The following KCNB2 variants were observed in gnomAD, a reference collection of about 807,000 sequenced individuals.
The protein encoded by KCNB2 is delayed rectifier potassium channel protein.
KCNB2 carries 15 observed loss-of-function variants against 61.5 expected under a neutral mutation model. That is an observed-to-expected ratio of 0.24 (90% CI 0.16 to 0.38). The LOEUF (loss-of-function observed/expected upper bound fraction) is 0.38, where lower values mean the gene tolerates loss of function less well. Ranked by LOEUF, KCNB2 falls within the 10% of genes least tolerant of loss-of-function variation. The probability of loss-of-function intolerance (pLI) is 1.00; values close to 1 mark genes in which losing one functional copy is unlikely to be tolerated. For synonymous variants in KCNB2, 457 were observed against 446.0 expected, an observed-to-expected ratio of 1.02 and a Z score of -0.31; for missense variants, 828 against 1,125.2, an observed-to-expected ratio of 0.74 and a Z score of 3.78.
At chr8:72,749,031 T>G (rs529110972) in intron 2 of KCNB2, among the ~76,000 whole-genome samples, 2 of 152,208 alleles carry the variant, frequency 1.3e-5, no homozygotes, top group Non-Finnish European at 2.9e-5. Flanking sequence ...TTTTTTCTGA[T>G]GTACATAATG....
chr8:72,718,602 G>A (rs1346135359), intron 2 of KCNB2, among the ~76,000 whole-genome samples: 2 of 147,932 alleles, frequency 1.4e-5, no homozygotes, highest in Admixed American at 6.8e-5. Context: ...CTCATAGGTG[G>A]GAATTGAACA....
At chr8:72,552,669 G>C (rs406798) in intron 1 of KCNB2, among the ~76,000 whole-genome samples, 94,114 of 152,008 alleles carry the variant, frequency 0.62, 30,130 homozygotes, top group Admixed American at 0.7. Context: ...GTTTGACTTT[G>C]ATGAGTGTCT....
At chr8:72,590,666 G>A (rs1216657514) in intron 2 of KCNB2, among the ~76,000 whole-genome samples, 6 of 152,118 alleles carry the variant, frequency 3.9e-5, no homozygotes, top group Non-Finnish European at 7.4e-5. Flanking sequence ...TTTGCAAGAG[G>A]TAACACTAGC....
chr8:72,642,083 T>G (rs1445092530), intron 2 of KCNB2, among the ~76,000 whole-genome samples: 1 of 152,136 alleles, frequency 6.6e-6, no homozygotes, highest in Non-Finnish European at 1.5e-5. Context: ...AGAAGAAGAC[T>G]GATCGACGTT....
chr8:72,864,661 A>G (rs10808791), intron 2 of KCNB2, among the ~76,000 whole-genome samples: 20,217 of 152,182 alleles, frequency 0.13, 1,790 homozygotes, highest in African/African-American at 0.25. Flanking sequence ...TAATTTGCCA[A>G]TAGAGATATG....
chr8:72,561,733 A>ATATG (rs1554576127), intron 1 of KCNB2, among the ~76,000 whole-genome samples: 14 of 18,480 alleles, frequency 7.6e-4, no homozygotes, highest in Non-Finnish European at 8.5e-4. Flanking sequence ...ATATATCTAT[A>ATATG]TCTATATATA....
At chr8:72,594,375 T>C (rs1162196416) in intron 2 of KCNB2, among the ~76,000 whole-genome samples, 2 of 152,176 alleles carry the variant, frequency 1.3e-5, no homozygotes, top group African/African-American at 4.8e-5. Flanking sequence ...CTTATATCAC[T>C]AAGATATAAG....
chr8:72,635,444 G>T (rs1331504469), intron 2 of KCNB2, among the ~76,000 whole-genome samples: 1 of 152,178 alleles, frequency 6.6e-6, no homozygotes, highest in East Asian at 1.9e-4. Flanking sequence ...AGTCAGCTGA[G>T]TTTGCCTGGT....
intron 2 of KCNB2, among the ~76,000 whole-genome samples, chr8:72,569,685 C>CT (rs751164773): frequency 2.4e-4 from 37 of 151,908 alleles, no homozygotes; most frequent in Non-Finnish European, 2.9e-5. Flanking sequence ...GGCTACTGCT[C>CT]TTTCCAATAT....
rs76324737 is a variant in KCNB2 at position 72,651,133 on chromosome 8, A to G, written c.579+82820A>G. 4.6e-3 allele frequency among the ~76,000 whole-genome samples: 702 copies of G among 152,296 alleles called. 5 individuals are homozygous for G. Among genetic ancestry groups the G allele is most frequent in the African/African-American group, 0.016 (670 of 41,580 alleles). ...GTGAAGAGATTATAGGGAATGAGGAAAACACTAAGCGTAGCCTAATACTTT... is the reference window on the plus strand; with the variant it reads ...GTGAAGAGATTATAGGGAATGAGGAGAACACTAAGCGTAGCCTAATACTTT... On this transcript the variant is annotated intron_variant, in intron 2 of 2. Coordinates refer to ENST00000523207, the MANE Select transcript of KCNB2 (RefSeq NM_004770.3).
At chr8:72,782,539 G>A (rs1337608192) in intron 2 of KCNB2, among the ~76,000 whole-genome samples, 3 of 152,112 alleles carry the variant, frequency 2.0e-5, no homozygotes, top group Admixed American at 6.6e-5. Flanking sequence ...TTCAAGGAAT[G>A]CCTTATTGCT....
At chr8:72,626,080 C>T (rs988467048) in intron 2 of KCNB2, among the ~76,000 whole-genome samples, 32 of 152,178 alleles carry the variant, frequency 2.1e-4, no homozygotes, top group Non-Finnish European at 4.1e-4. Flanking sequence ...ACCTAGGATT[C>T]ATTCAGCATT....
chr8:72,827,667 G>A lies in KCNB2; in HGVS notation c.580-108268G>A, dbSNP rs948810888. ...TTTTCTGTAGCTGGGCTCCCTTTCT[G>A]TTCTGTGCCTTCAATTTTAATGAAT... On this transcript the variant is annotated intron_variant, in intron 2 of 2. Transcript: ENST00000523207. Among the ~76,000 whole-genome samples the A allele has an allele frequency of 2.0e-5, 3 of 152,096 alleles. No individual in the cohort carries two copies. In the South Asian group the frequency reaches 6.2e-4, roughly 32 times the overall value.
At chr8:72,682,726 T>A (rs780322958) in intron 2 of KCNB2, among the ~76,000 whole-genome samples, 1 of 152,146 alleles carries the variant, frequency 6.6e-6, no homozygotes, top group Non-Finnish European at 1.5e-5. Flanking sequence ...TCTGAGTAGT[T>A]GAGACTACAG....
At chr8:72,568,382 T>G in intron 2 of KCNB2, 69 bp downstream of exon 2, 3 of 1,321,336 alleles carry the variant, frequency 2.3e-6, no homozygotes, top group Non-Finnish European at 3.1e-6. Flanking sequence ...CTAGAGAGTA[T>G]AAGTTTTTTT....
intron 2 of KCNB2, among the ~76,000 whole-genome samples, chr8:72,637,530 G>A (rs1352844047): frequency 6.6e-6 from 1 of 152,118 alleles, no homozygotes; most frequent in Non-Finnish European, 1.5e-5. Flanking sequence ...GGAGGGAGCA[G>A]AGAGGATATA....
At chr8:72,781,827 T>A (rs1454858416) in intron 2 of KCNB2, among the ~76,000 whole-genome samples, 1 of 152,190 alleles carries the variant, frequency 6.6e-6, no homozygotes, top group African/African-American at 2.4e-5. Flanking sequence ...TGGATAGAGC[T>A]TGAAGCCATT....
At chr8:72,724,128 T>C (rs1282395779) in intron 2 of KCNB2, among the ~76,000 whole-genome samples, 1 of 152,216 alleles carries the variant, frequency 6.6e-6, no homozygotes, top group African/African-American at 2.4e-5. Flanking sequence ...CTGGTCCTTT[T>C]ATTTGTTCTG....
intron 2 of KCNB2, among the ~76,000 whole-genome samples, chr8:72,613,115 C>T (rs1805565409): frequency 6.6e-6 from 1 of 152,146 alleles, no homozygotes; most frequent in South Asian, 2.1e-4. Flanking sequence ...CTGTCTGTTT[C>T]TGTCCCACTG....
Sources: gnomAD v4.1 joint callset for allele counts (sites outside exome capture counted in the v4.1 genomes callset) on GRCh38, gnomAD v4.1.1 for gene constraint, MANE v1.5 for transcripts, NCBI Gene and HGNC (gene_info 2026-07-23, HGNC 2026-07-21) for gene names.